The following LAMA2 variants were observed in gnomAD, a reference collection of about 807,000 sequenced individuals.
LAMA2 encodes laminin subunit alpha 2, also known as laminin subunit alpha-2.
LAMA2 carries 269 observed loss-of-function variants against 364.8 expected under a neutral mutation model. The ratio of observed to expected loss-of-function variants is 0.74; its 90% CI spans 0.67 to 0.82. LAMA2 has a LOEUF of 0.82. LAMA2 is among the 40% of genes least tolerant of loss of function. The probability of loss-of-function intolerance (pLI) is 0.00; values close to 1 mark genes in which losing one functional copy is unlikely to be tolerated. For synonymous variants in LAMA2, 1,379 were observed against 1,370.6 expected (o/e 1.01, Z -0.14); for missense variants, 3,807 against 3,873.2 (o/e 0.98, Z 0.45).
At chr6:128,930,711 A>G (rs1428311800) in intron 1 of LAMA2, among the ~76,000 whole-genome samples, 1 of 152,190 alleles carries the variant, frequency 6.6e-6, no homozygotes, top group Non-Finnish European at 1.5e-5. Context: ...TTTCTACTCA[A>G]AGTCTCTTCT....
intron 17 of LAMA2, among the ~76,000 whole-genome samples, chr6:129,271,720 G>T (rs1406299817): frequency 1.3e-5 from 2 of 151,992 alleles, no homozygotes; most frequent in Non-Finnish European, 1.5e-5. Flanking sequence ...TGCTTAATAA[G>T]GTTCATATCG....
chr6:129,117,569 A>G (rs1369423105), intron 4 of LAMA2, among the ~76,000 whole-genome samples: 1 of 152,192 alleles, frequency 6.6e-6, no homozygotes, highest in East Asian at 1.9e-4. Context: ...TGGTTAAAGT[A>G]CAGAATGTAC....
chr6:128,896,614 G>A (rs906294498), intron 1 of LAMA2, among the ~76,000 whole-genome samples: 1 of 151,998 alleles, frequency 6.6e-6, no homozygotes, highest in Admixed American at 6.5e-5. Flanking sequence ...AACTTTTAGG[G>A]ACTGATTTTC....
intron 10 of LAMA2, among the ~76,000 whole-genome samples, chr6:129,180,422 TG>T (rs1023187675): frequency 6.6e-6 from 1 of 152,188 alleles, no homozygotes; most frequent in Non-Finnish European, 1.5e-5. Context: ...CTTAAACATT[TG>T]TACCTTTATT....
chr6:129,278,608 T>C (rs1788487938), intron 17 of LAMA2, among the ~76,000 whole-genome samples: 1 of 152,160 alleles, frequency 6.6e-6, no homozygotes, highest in South Asian at 2.1e-4. Flanking sequence ...CGTAGCAAAG[T>C]ACAGGATGCT....
In LAMA2 at chr6:129,219,469, A is replaced by G. The variant is rs370197580; in HGVS notation, c.1782+26616A>G. 3.3e-5 allele frequency among the ~76,000 whole-genome samples: 5 copies of G among 151,884 alleles called. No homozygotes were observed. The South Asian group carries it at 6.3e-4, about 19-fold the overall frequency. On this transcript the variant is annotated intron_variant, in intron 12 of 64. Transcript: ENST00000421865. ...AAATACCATTTGACCCAGCCATCCC[A>G]TTACTGGGTATGTACCCAAAGGACT...
intron 1 of LAMA2, among the ~76,000 whole-genome samples, chr6:129,009,209 TAAAATACTTAAGCCATCTTGTAGA>T (rs374141901): frequency 2.6e-4 from 39 of 152,294 alleles, no homozygotes; most frequent in African/African-American, 8.7e-4. Context: ...TAAAAGTCTA[TAAAATACTTAAGCCATCTTGTAGA>T]AATAAATAGT....
intron 40 of LAMA2, among the ~76,000 whole-genome samples, chr6:129,426,715 A>G (rs1438277342): frequency 2.0e-5 from 3 of 152,200 alleles, no homozygotes; most frequent in East Asian, 1.9e-4. Context: ...TGAGCAATCA[A>G]TTATTTACCT....
intron 1 of LAMA2, among the ~76,000 whole-genome samples, chr6:128,893,528 G>A (rs372552876): frequency 4.0e-5 from 6 of 151,840 alleles, no homozygotes; most frequent in African/African-American, 1.2e-4. Context: ...TATTTGTTTA[G>A]TAAACATATA....
chr6:129,158,478 C>T (rs1779257492), intron 8 of LAMA2: 1 of 1,613,840 alleles, frequency 6.2e-7, no homozygotes, highest in African/African-American at 1.3e-5. Context: ...ACTACCAGAA[C>T]TTTGTGACTG....
At chr6:129,498,505 G>GTGT (rs1175848381) in intron 58 of LAMA2, among the ~76,000 whole-genome samples, 2 of 152,214 alleles carry the variant, frequency 1.3e-5, no homozygotes, top group South Asian at 2.1e-4. Context: ...CTTAAGTGCA[G>GTGT]TGTTAACAAT....
At chr6:128,985,180 A>C (rs1275779818) in intron 1 of LAMA2, among the ~76,000 whole-genome samples, 1 of 152,142 alleles carries the variant, frequency 6.6e-6, no homozygotes, top group African/African-American at 2.4e-5. Flanking sequence ...AGTGGGTCAG[A>C]TGGTTGCTTG....
rs528913913 is a variant in LAMA2 at position 129,284,864 on chromosome 6, C to T, written c.2538-2983C>T. 5.3e-5 allele frequency among the ~76,000 whole-genome samples: 8 copies of T among 152,172 alleles called. No homozygotes were observed. In the South Asian group the frequency reaches 6.2e-4, roughly 12 times the overall value. On this transcript the variant is annotated intron_variant, in intron 18 of 64. Coordinates refer to ENST00000421865, the MANE Select transcript of LAMA2 (RefSeq NM_000426.4). ...ATCTGGAGTCTTATTTACATTTAAA[C>T]GGCCCTTTTTCAAAATATTGCAATT...
intron 28 of LAMA2, among the ~76,000 whole-genome samples, chr6:129,322,474 A>C (rs894978142): frequency 3.3e-5 from 5 of 152,174 alleles, no homozygotes; most frequent in Admixed American, 1.3e-4. Flanking sequence ...CCTTTATCCC[A>C]GGTAGCGTTT....
chr6:129,473,445 G>T, intron 52 of LAMA2, 93 bp downstream of exon 52: 2 of 1,239,694 alleles, frequency 1.6e-6, no homozygotes, highest in Non-Finnish European at 1.2e-6. Context: ...CAATAAGAAT[G>T]TCATATAACC....
At chr6:129,447,726 C>T (rs1257535659) in intron 45 of LAMA2, among the ~76,000 whole-genome samples, 1 of 152,054 alleles carries the variant, frequency 6.6e-6, no homozygotes, top group Non-Finnish European at 1.5e-5. Flanking sequence ...GAATGAAGGA[C>T]CCAACTATAG....
At chr6:129,005,421 C>T (rs1318259451) in intron 1 of LAMA2, among the ~76,000 whole-genome samples, 1 of 151,888 alleles carries the variant, frequency 6.6e-6, no homozygotes, top group Non-Finnish European at 1.5e-5. Context: ...CTAACATTCT[C>T]ATCAGGCTTT....
chr6:129,482,605 A>C (rs1317469992), intron 55 of LAMA2, among the ~76,000 whole-genome samples: 1 of 152,208 alleles, frequency 6.6e-6, no homozygotes, highest in East Asian at 1.9e-4. Context: ...AATCAATTTT[A>C]GTATGTAACA....
intron 14 of LAMA2, among the ~76,000 whole-genome samples, chr6:129,256,149 G>C (rs1453252009): frequency 6.6e-6 from 1 of 152,192 alleles, no homozygotes; most frequent in East Asian, 1.9e-4. Context: ...TCTAACATAT[G>C]TTGGGAGGCA....
Sources: gnomAD v4.1 joint callset for allele counts (sites outside exome capture counted in the v4.1 genomes callset) on GRCh38, gnomAD v4.1.1 for gene constraint, MANE v1.5 for transcripts, NCBI Gene and HGNC (gene_info 2026-07-23, HGNC 2026-07-21) for gene names.